PRKCQ: variants seen among roughly 807,000 people sequenced by gnomAD.
The protein encoded by PRKCQ is protein kinase C theta type.
In PRKCQ, 41 loss-of-function variants were observed where a neutral mutation model predicts 91.2. The ratio of observed to expected loss-of-function variants is 0.45; its 90% confidence interval spans 0.35 to 0.58. The LOEUF (loss-of-function observed/expected upper bound fraction) is 0.58, where lower values mean the gene tolerates loss of function less well. Among genes scored for constraint, PRKCQ ranks in the 20% least tolerant of loss-of-function variants. The probability of loss-of-function intolerance (pLI) is 0.00; values close to 1 mark genes in which losing one functional copy is unlikely to be tolerated. For synonymous variants in PRKCQ, 307 were observed against 316.9 expected (o/e 0.97, Z 0.33); for missense variants, 673 against 896.5 (o/e 0.75, Z 3.18).
intron 1 of PRKCQ, among the ~76,000 whole-genome samples, chr10:6,567,728 T>C (rs980974950): frequency 3.3e-5 from 5 of 152,246 alleles, no homozygotes; most frequent in Non-Finnish European, 5.9e-5. Flanking sequence ...TAATCTTCTT[T>C]GAAAGATTAT....
At chr10:6,556,771 C>A (rs1215244674) in intron 1 of PRKCQ, among the ~76,000 whole-genome samples, 1 of 152,066 alleles carries the variant, frequency 6.6e-6, no homozygotes, top group Non-Finnish European at 1.5e-5. Context: ...TTATTCCTGG[C>A]CTGTTTATTT....
chr10:6,454,164 C>CA (rs1271993478), intron 15 of PRKCQ, among the ~76,000 whole-genome samples: 23 of 152,196 alleles, frequency 1.5e-4, no homozygotes, highest in African/African-American at 5.5e-4. Flanking sequence ...ATTGATAACA[C>CA]ACAGTCTATC....
intron 1 of PRKCQ, among the ~76,000 whole-genome samples, chr10:6,567,070 A>C (rs1234454989): frequency 1.3e-5 from 2 of 152,082 alleles, no homozygotes; most frequent in African/African-American, 4.8e-5. Context: ...GAAAGAGAAG[A>C]CTCGGTACAT....
chr10:6,409,904 G>T, the PRKCQ span, among the ~76,000 whole-genome samples: 1 of 152,192 alleles, frequency 6.6e-6, no homozygotes, highest in African/African-American at 2.4e-5. Context: ...TTATAATGTA[G>T]AAAGGTTAGT....
In PRKCQ at chr10:6,497,597, C is replaced by T. The variant is rs1837689869; in HGVS notation, c.543-346G>A. ...AAAATTCATGGCCTCGCTGAGCTCA[C>T]TACAGACGAACAAAGACATCTGTAA... On this transcript the variant is annotated intron_variant, in intron 5 of 17. Transcript: ENST00000263125. This position sits in a 1 kb window ranked among gnomAD's most constrained non-coding sequence, Gnocchi z 4.5. Among the ~76,000 whole-genome samples, 1 of 152,222 alleles carries T rather than the reference C, an allele frequency of 6.6e-6. No individual in the cohort carries two copies. The highest frequency in any genetic ancestry group is 2.4e-5 in the African/African-American group (1 of 41,440).
rs150987177 is a variant in PRKCQ, at chr10:6,514,974, A to G, written c.118+44T>C. The G allele has an allele frequency of 2.9e-4, 471 of 1,610,152 alleles. No individual in the cohort carries two copies. The African/African-American group carries it at 4.8e-3, about 16-fold the overall frequency. On this transcript the variant is annotated intron_variant, in intron 2 of 17. Coordinates refer to ENST00000263125, the MANE Select transcript of PRKCQ (RefSeq NM_006257.5). ...TGCTTCATACACAGTTCATAGCAGGATTCTCCTCCTCCTCCCCCGCTTTGA... is the reference window on the plus strand; with the variant it reads ...TGCTTCATACACAGTTCATAGCAGGGTTCTCCTCCTCCTCCCCCGCTTTGA...
At chr10:6,418,106 C>G in the PRKCQ span, among the ~76,000 whole-genome samples, 4 of 152,144 alleles carry the variant, frequency 2.6e-5, no homozygotes, top group South Asian at 4.1e-4. Context: ...AGAGTTCTAA[C>G]TGACTTTTTC....
intron 8 of PRKCQ, among the ~76,000 whole-genome samples, chr10:6,488,624 T>C (rs1837067322): frequency 6.6e-6 from 1 of 152,204 alleles, no homozygotes. Flanking sequence ...CCTCAAGTGA[T>C]CTGCCCACCT....
chr10:6,419,096 A>G, the PRKCQ span, among the ~76,000 whole-genome samples: 1 of 151,928 alleles, frequency 6.6e-6, no homozygotes, highest in Non-Finnish European at 1.5e-5. Context: ...CTACCTCTGT[A>G]TTATTTTTCT....
At chr10:6,574,161 T>TCTTTCCCTCC (rs1419449436) in intron 1 of PRKCQ, among the ~76,000 whole-genome samples, 1 of 152,178 alleles carries the variant, frequency 6.6e-6, no homozygotes, top group Non-Finnish European at 1.5e-5. Flanking sequence ...TGTCTTGTTG[T>TCTTTCCCTCC]CTTTCCCTCC....
intron 1 of PRKCQ, among the ~76,000 whole-genome samples, chr10:6,539,578 A>G (rs1839704568): frequency 6.6e-6 from 1 of 152,030 alleles, no homozygotes; most frequent in Non-Finnish European, 1.5e-5. Context: ...CTCATTCTAC[A>G]TGATGGTGAG....
chr10:6,469,791 A>T (rs1537320), intron 12 of PRKCQ, among the ~76,000 whole-genome samples: 22,626 of 152,132 alleles, frequency 0.15, 1,804 homozygotes, highest in Non-Finnish European at 0.18. Context: ...GTCTGTCATT[A>T]TAAGGAAAAC....
At chr10:6,432,476 T>G (rs532264387) in intron 16 of PRKCQ, among the ~76,000 whole-genome samples, 6 of 152,270 alleles carry the variant, frequency 3.9e-5, no homozygotes, top group Non-Finnish European at 8.8e-5. Context: ...TTCTTAGCAG[T>G]CTCAACTTCC....
At chr10:6,496,072 C>T (rs1837567901) in intron 7 of PRKCQ, among the ~76,000 whole-genome samples, 1 of 151,832 alleles carries the variant, frequency 6.6e-6, no homozygotes, top group Non-Finnish European at 1.5e-5. Flanking sequence ...GAAAATTAGC[C>T]AGGCGTGGTG....
At chr10:6,537,630 T>A (rs1024391547) in intron 1 of PRKCQ, among the ~76,000 whole-genome samples, 10 of 152,224 alleles carry the variant, frequency 6.6e-5, no homozygotes, top group Non-Finnish European at 1.3e-4. Context: ...TAATGGCAAC[T>A]GGCTGAGTTG....
At chr10:6,437,717 T>C (rs952586154) in intron 16 of PRKCQ, among the ~76,000 whole-genome samples, 2 of 152,026 alleles carry the variant, frequency 1.3e-5, no homozygotes, top group Non-Finnish European at 2.9e-5. Context: ...AGTGGTGTGA[T>C]CTCGGTTCAC....
intron 4 of PRKCQ, among the ~76,000 whole-genome samples, chr10:6,501,231 T>C (rs1207835706): frequency 6.6e-6 from 1 of 151,790 alleles, no homozygotes; most frequent in East Asian, 1.9e-4. Context: ...AAACTACTTT[T>C]TAAAGGAATG....
intron 1 of PRKCQ, among the ~76,000 whole-genome samples, chr10:6,578,014 A>G (rs1841308834): frequency 6.6e-6 from 1 of 152,210 alleles, no homozygotes; most frequent in Non-Finnish European, 1.5e-5. Context: ...CACGGAAGAG[A>G]CAGCATGTGT....
chr10:6,561,162 A>G (rs1430170083), intron 1 of PRKCQ, among the ~76,000 whole-genome samples: 1 of 151,910 alleles, frequency 6.6e-6, no homozygotes, highest in Non-Finnish European at 1.5e-5. Flanking sequence ...CTTGAGTCCA[A>G]GGGTTTGAGG....
Sources: gnomAD v4.1 joint callset for allele counts (sites outside exome capture counted in the v4.1 genomes callset) on GRCh38, gnomAD v4.1.1 for gene constraint, Gnocchi (gnomAD v3.1) non-coding constraint, MANE v1.5 for transcripts, NCBI Gene and HGNC (gene_info 2026-07-23, HGNC 2026-07-21) for gene names.